Variants in DCC observed in about 807,000 individuals in gnomAD.
DCC encodes DCC netrin 1 receptor.
DCC carries 58 observed loss-of-function variants against 172.5 expected under a neutral mutation model. The observed-to-expected ratio is 0.34, with a 90% CI of 0.27 to 0.42. DCC has a LOEUF of 0.42. Ranked by LOEUF, DCC falls within the 10% of genes least tolerant of loss-of-function variation. The pLI is 1.00. For synonymous variants in DCC, 709 were observed against 644.5 expected (o/e 1.10, Z -1.52); for missense variants, 1,740 against 1,791.0 (o/e 0.97, Z 0.51).
At chr18:52,741,024 A>G (rs1010933021) in intron 1 of DCC, among the ~76,000 whole-genome samples, 3 of 152,192 alleles carry the variant, frequency 2.0e-5, no homozygotes, top group Non-Finnish European at 4.4e-5. Context: ...TAGAAGGCTA[A>G]CGAGGGGCAG....
chr18:53,495,702 G>A (rs1403934994), intron 26 of DCC, among the ~76,000 whole-genome samples: 4 of 152,160 alleles, frequency 2.6e-5, no homozygotes, highest in African/African-American at 9.7e-5. Context: ...ATAATATCCT[G>A]AAGAGTGTCT....
intron 21 of DCC, among the ~76,000 whole-genome samples, chr18:53,417,222 C>T (rs2145069141): frequency 6.6e-6 from 1 of 152,330 alleles, no homozygotes; most frequent in South Asian, 2.1e-4. Context: ...CAGAATGCTT[C>T]CTGCATGAGT....
At chr18:53,025,429 G>T (rs1024917986) in intron 5 of DCC, among the ~76,000 whole-genome samples, 2 of 152,086 alleles carry the variant, frequency 1.3e-5, no homozygotes, top group African/African-American at 4.8e-5. Context: ...TTGCCTTAGG[G>T]TTTGTACCTT....
At chr18:53,460,528 G>C (rs905430992) in intron 24 of DCC, among the ~76,000 whole-genome samples, 2 of 146,808 alleles carry the variant, frequency 1.4e-5, no homozygotes, top group African/African-American at 5.1e-5. Context: ...GAGAATATGT[G>C]GTGTTTGGTT....
At chr18:53,467,460 G>T (rs928372449) in intron 24 of DCC, among the ~76,000 whole-genome samples, 2 of 152,010 alleles carry the variant, frequency 1.3e-5, no homozygotes, top group Non-Finnish European at 2.9e-5. Context: ...TGGGCTTAAA[G>T]TATTAGTTGA....
chr18:53,263,191 A>G (rs1373302342), intron 12 of DCC, among the ~76,000 whole-genome samples: 1 of 152,204 alleles, frequency 6.6e-6, no homozygotes, highest in Non-Finnish European at 1.5e-5. Flanking sequence ...TTCCCCTGTC[A>G]TCTGAGCTGG....
At chr18:53,313,159 CA>C (rs2057302661) in intron 13 of DCC, among the ~76,000 whole-genome samples, 1 of 151,858 alleles carries the variant, frequency 6.6e-6, no homozygotes, top group South Asian at 2.1e-4. Flanking sequence ...TTGGGGCCCC[CA>C]AAAATTGCTT....
intron 1 of DCC, among the ~76,000 whole-genome samples, chr18:52,432,515 G>A (rs1568167828): frequency 6.6e-6 from 1 of 152,150 alleles, no homozygotes; most frequent in Non-Finnish European, 1.5e-5. Context: ...TCTTTTGACA[G>A]TGTATAATAT....
At chr18:52,806,338 C>A (rs751147397) in intron 2 of DCC, among the ~76,000 whole-genome samples, 1 of 152,166 alleles carries the variant, frequency 6.6e-6, no homozygotes, top group Admixed American at 6.5e-5. Context: ...ATCATTATCA[C>A]CCACATTCCA....
chr18:53,219,158 G>A (rs1462964031), intron 12 of DCC, among the ~76,000 whole-genome samples: 1 of 152,028 alleles, frequency 6.6e-6, no homozygotes, highest in African/African-American at 2.4e-5. Flanking sequence ...CAGTTGGGTA[G>A]GAAAACGTGA....
At chr18:53,342,909 T>C (rs1317823090) in intron 15 of DCC, among the ~76,000 whole-genome samples, 1 of 149,008 alleles carries the variant, frequency 6.7e-6, no homozygotes, top group Non-Finnish European at 1.5e-5. Flanking sequence ...TTTTAAAATT[T>C]ATTTTAAATA....
intron 2 of DCC, among the ~76,000 whole-genome samples, chr18:52,847,948 G>A (rs1367769646): frequency 1.3e-5 from 2 of 152,118 alleles, no homozygotes; most frequent in Non-Finnish European, 2.9e-5. Context: ...CTAGTTGTAT[G>A]AATTGACATC....
At chr18:53,107,125 C>A (rs974625140) in intron 7 of DCC, among the ~76,000 whole-genome samples, 1 of 151,714 alleles carries the variant, frequency 6.6e-6, no homozygotes, top group African/African-American at 2.4e-5. Context: ...GAGAATGCAG[C>A]CCAGTAGATC....
chr18:52,978,452 TA>T (rs1435814205), intron 5 of DCC, among the ~76,000 whole-genome samples: 5 of 152,258 alleles, frequency 3.3e-5, no homozygotes, highest in Middle Eastern at 3.4e-3. Flanking sequence ...AGAGGCCGAG[TA>T]AAAATTGCTA....
At chr18:52,935,389 T>C (rs1397593244) in intron 5 of DCC, among the ~76,000 whole-genome samples, 1 of 152,102 alleles carries the variant, frequency 6.6e-6, no homozygotes, top group African/African-American at 2.4e-5. Context: ...AGTAAATATA[T>C]CATTAACTGT....
intron 27 of DCC, among the ~76,000 whole-genome samples, chr18:53,505,669 G>C (rs1348784196): frequency 6.6e-6 from 1 of 152,160 alleles, no homozygotes; most frequent in East Asian, 1.9e-4. Flanking sequence ...ATAATCGTAA[G>C]AGAAAGTGAA....
At chr18:52,380,514 A>G (rs147471169) in intron 1 of DCC, among the ~76,000 whole-genome samples, 2 of 151,984 alleles carry the variant, frequency 1.3e-5, no homozygotes, top group African/African-American at 4.8e-5. Context: ...ACATCTCTAA[A>G]CTCCATTCCC....
intron 5 of DCC, among the ~76,000 whole-genome samples, chr18:52,956,389 A>C (rs1210886512): frequency 6.6e-6 from 1 of 152,024 alleles, no homozygotes; most frequent in African/African-American, 2.4e-5. Context: ...CTATATTTGA[A>C]AATAGCTTTC....
intron 1 of DCC, among the ~76,000 whole-genome samples, chr18:52,596,278 A>T (rs999027335): frequency 2.2e-4 from 33 of 152,174 alleles, no homozygotes; most frequent in Non-Finnish European, 5.9e-5. Context: ...GGGAAACACA[A>T]TTCAAATATA....
Sources: allele counts gnomAD v4.1 joint callset (sites outside exome capture counted in the v4.1 genomes callset), GRCh38; gene constraint gnomAD v4.1.1; transcripts MANE v1.5; gene names NCBI Gene and HGNC (gene_info 2026-07-23, HGNC 2026-07-21).